KIF26B: variants seen among roughly 807,000 people sequenced by gnomAD.
KIF26B encodes the protein kinesin-like protein KIF26B.
Under a neutral mutation model 151.2 loss-of-function variants are expected in KIF26B, and 63 were observed. The ratio of observed to expected loss-of-function variants is 0.42; its 90% confidence interval spans 0.34 to 0.51. The LOEUF is 0.51. Ranked by LOEUF, KIF26B falls within the 20% of genes least tolerant of loss-of-function variation. The pLI is 0.07. For missense variants in KIF26B, 2,813 were observed against 2,913.6 expected (o/e 0.97, Z 0.79); for synonymous variants, 1,357 against 1,262.1 (o/e 1.08, Z -1.59).
At chr1:245,420,729 A>G (rs1421045289) in intron 4 of KIF26B, among the ~76,000 whole-genome samples, 1 of 152,254 alleles carries the variant, frequency 6.6e-6, no homozygotes, top group Non-Finnish European at 1.5e-5. Flanking sequence ...CCGAAGACTA[A>G]CATAAGATGA....
At chr1:245,328,729 A>C (rs2102990215) in intron 2 of KIF26B, among the ~76,000 whole-genome samples, 1 of 152,340 alleles carries the variant, frequency 6.6e-6, no homozygotes, top group African/African-American at 2.4e-5. Flanking sequence ...TCCTGGTCAC[A>C]ACGCCTGGTC....
chr1:245,226,899 G>T (rs1005278660), intron 2 of KIF26B, among the ~76,000 whole-genome samples: 1 of 152,206 alleles, frequency 6.6e-6, no homozygotes, highest in African/African-American at 2.4e-5. Flanking sequence ...CAGTGGGCTT[G>T]CCCTTTGCCT....
chr1:245,678,476 A>G (rs2044383330), intron 10 of KIF26B, among the ~76,000 whole-genome samples: 1 of 152,082 alleles, frequency 6.6e-6, no homozygotes, highest in Non-Finnish European at 1.5e-5. Flanking sequence ...CGGCATTTAA[A>G]TATTAGTTGT....
intron 2 of KIF26B, among the ~76,000 whole-genome samples, chr1:245,180,872 G>A (rs1668894405): frequency 6.6e-6 from 1 of 152,134 alleles, no homozygotes; most frequent in South Asian, 2.1e-4. Context: ...GCCTTGCTCT[G>A]TCACCCTGGC....
chr1:245,210,770 A>AC (rs1178032993), intron 2 of KIF26B, among the ~76,000 whole-genome samples: 2 of 152,056 alleles, frequency 1.3e-5, no homozygotes, highest in Non-Finnish European at 2.9e-5. Context: ...AAGTGCAGGG[A>AC]CCAAGGACAT....
chr1:245,637,420 C>T (rs2043847017), intron 9 of KIF26B, among the ~76,000 whole-genome samples: 1 of 151,826 alleles, frequency 6.6e-6, no homozygotes, highest in African/African-American at 2.4e-5. Flanking sequence ...GTTATTAATC[C>T]CTTGTCAAAT....
intron 2 of KIF26B, among the ~76,000 whole-genome samples, chr1:245,288,328 T>C (rs1246288620): frequency 6.6e-6 from 1 of 152,178 alleles, no homozygotes; most frequent in Non-Finnish European, 1.5e-5. Flanking sequence ...CATTTCACAC[T>C]AATCTCCTTA....
rs1019860532 is a variant in KIF26B, at chr1:245,468,223, C to A, written c.1166+48478C>A. On this transcript the variant is annotated intron_variant, in intron 4 of 14. Transcript: ENST00000407071. The stretch of plus-strand genomic sequence containing the variant: ...TTTTTATCTTCCATAAGAACCCATT[C>A]TCCAGTGACTCTTAGATGGAAAACA... Among the ~76,000 whole-genome samples, 4 of 152,198 alleles carry A rather than the reference C, an allele frequency of 2.6e-5. No homozygotes were observed. The East Asian group carries it at 7.7e-4, about 29-fold the overall frequency.
rs533698018 is a variant in KIF26B at position 245,542,147 on chromosome 1, G to A, written c.1350+1197G>A. On this transcript the variant is annotated intron_variant, in intron 5 of 14. Coordinates refer to ENST00000407071, the MANE Select transcript of KIF26B (RefSeq NM_018012.4). ...GCAAGAGAAGCACTTGAGGCTAGGAGTTCAAGACCAGCCTGGGTAACATAG... is the reference window on the plus strand; with the variant it reads ...GCAAGAGAAGCACTTGAGGCTAGGAATTCAAGACCAGCCTGGGTAACATAG... 2.0e-5 allele frequency among the ~76,000 whole-genome samples: 3 copies of A among 152,328 alleles called. No individual in the cohort carries two copies. The South Asian group carries it at 6.2e-4, about 32-fold the overall frequency.
rs1443286801 is a variant in KIF26B, at chr1:245,703,960, T to C, written c.*1354T>C. ...ATAGGCAGAACATAGCTGAAGACTATGGATGTCCAGGTCTTGGCTCCCAAC... is the reference window on the plus strand; with the variant it reads ...ATAGGCAGAACATAGCTGAAGACTACGGATGTCCAGGTCTTGGCTCCCAAC... On this transcript the variant is annotated 3_prime_UTR_variant, in exon 15 of 15. Transcript: ENST00000407071. 2 of 152,220 alleles carry C rather than the reference T, an allele frequency of 1.3e-5. No homozygotes were observed. Among genetic ancestry groups the C allele is most frequent in the African/African-American group, 4.8e-5 (2 of 41,466 alleles). The allele number at this position is 152,220 out of a possible 1,614,324, so 9.4% of individuals were successfully genotyped here.
chr1:245,325,112 GAAA>G lies in KIF26B; in HGVS notation c.466-41717_466-41715del, dbSNP rs1188471553. On this transcript the variant is annotated intron_variant, in intron 2 of 14. Coordinates refer to ENST00000407071, the MANE Select transcript of KIF26B (RefSeq NM_018012.4). The stretch of plus-strand genomic sequence containing the variant: ...CTTGTCTCAAAAAAAAAAAAAAAAA[GAAA>G]AAAAGAAAAAAGAAAGAAAATGATA... Among the ~76,000 whole-genome samples, 3 of 123,060 alleles carry G rather than the reference GAAA, an allele frequency of 2.4e-5. No homozygotes were observed. The South Asian group carries it at 7.2e-4, about 30-fold the overall frequency. 80.7% of individuals were successfully genotyped at this position (123,060 alleles called of 152,430 possible).
chr1:245,334,693 A>T (rs1672186701), intron 2 of KIF26B, among the ~76,000 whole-genome samples: 1 of 152,212 alleles, frequency 6.6e-6, no homozygotes, highest in Non-Finnish European at 1.5e-5. Flanking sequence ...GAAACAATCA[A>T]GAATGAGGAG....
intron 2 of KIF26B, among the ~76,000 whole-genome samples, chr1:245,287,520 T>G (rs1459226093): frequency 1.4e-5 from 2 of 146,440 alleles, no homozygotes; most frequent in African/African-American, 2.5e-5. Flanking sequence ...TTTTTTTTCC[T>G]GTGGCGGAGT....
intron 2 of KIF26B, among the ~76,000 whole-genome samples, chr1:245,325,857 G>A (rs542555600): frequency 1.6e-4 from 25 of 152,164 alleles, no homozygotes; most frequent in Non-Finnish European, 2.9e-4. Flanking sequence ...TATTGTTTGT[G>A]ACGTAGGTTT....
At chr1:245,599,283 AG>A (rs1194602740) in intron 5 of KIF26B, among the ~76,000 whole-genome samples, 1 of 152,236 alleles carries the variant, frequency 6.6e-6, no homozygotes, top group Admixed American at 6.5e-5. Context: ...GGGAAAAAAA[AG>A]TCCATTTATT....
At chr1:245,566,148 A>C (rs1283842901) in intron 5 of KIF26B, among the ~76,000 whole-genome samples, 1 of 152,162 alleles carries the variant, frequency 6.6e-6, no homozygotes, top group Non-Finnish European at 1.5e-5. Flanking sequence ...TTTCAACATG[A>C]GATTTGGAGG....
intron 2 of KIF26B, among the ~76,000 whole-genome samples, chr1:245,303,620 T>C (rs1227480307): frequency 6.6e-6 from 1 of 152,264 alleles, no homozygotes; most frequent in Non-Finnish European, 1.5e-5. Flanking sequence ...ATCTGGCTAA[T>C]TATTGCCTGC....
At chr1:245,624,503 GCTA>G (rs1558241627) in intron 9 of KIF26B, among the ~76,000 whole-genome samples, 1 of 152,146 alleles carries the variant, frequency 6.6e-6, no homozygotes, top group Non-Finnish European at 1.5e-5. Context: ...TTTGCACTTC[GCTA>G]ATGACCAATG....
chr1:245,633,189 T>C (rs566245115), intron 9 of KIF26B, among the ~76,000 whole-genome samples: 1 of 152,244 alleles, frequency 6.6e-6, no homozygotes, highest in African/African-American at 2.4e-5. Context: ...GTTTCTATTT[T>C]CATGGAATAA....
Sources: gnomAD v4.1 joint callset for allele counts (sites outside exome capture counted in the v4.1 genomes callset) on GRCh38, gnomAD v4.1.1 for gene constraint, MANE v1.5 for transcripts, NCBI Gene and HGNC (gene_info 2026-07-23, HGNC 2026-07-21) for gene names.